CDH18: variants seen among roughly 807,000 people sequenced by gnomAD.
The protein encoded by CDH18 is cadherin-18.
In CDH18, 31 loss-of-function variants were observed where a neutral mutation model predicts 67.9. The observed-to-expected ratio is 0.46, with a 90% CI of 0.34 to 0.62. The LOEUF is 0.62. Ranked by LOEUF, CDH18 falls within the 20% of genes least tolerant of loss-of-function variation. CDH18 has a pLI of 0.01. For synonymous variants in CDH18, 362 were observed against 347.2 expected, an observed-to-expected ratio of 1.04 and a Z score of -0.48; for missense variants, 890 against 975.5, an observed-to-expected ratio of 0.91 and a Z score of 1.17.
intron 8 of CDH18, among the ~76,000 whole-genome samples, chr5:19,544,440 G>T (rs1224894093): frequency 2.0e-5 from 3 of 151,806 alleles, no homozygotes; most frequent in African/African-American, 7.3e-5. Flanking sequence ...TTGTAGCTAA[G>T]GTTTAAAAAT....
intron 2 of CDH18, among the ~76,000 whole-genome samples, chr5:20,197,475 G>A (rs1029455179): frequency 6.6e-6 from 1 of 152,190 alleles, no homozygotes; most frequent in African/African-American, 2.4e-5. Context: ...TTATACGAAT[G>A]CATGCAAGAA....
At chr5:19,609,438 C>T (rs1316903452) in intron 6 of CDH18, among the ~76,000 whole-genome samples, 1 of 151,878 alleles carries the variant, frequency 6.6e-6, no homozygotes, top group Non-Finnish European at 1.5e-5. Flanking sequence ...TGACAAGCAG[C>T]CTGTTTCCTC....
At chr5:20,559,461 A>C (rs1758085362) in intron 1 of CDH18, among the ~76,000 whole-genome samples, 1 of 152,110 alleles carries the variant, frequency 6.6e-6, no homozygotes, top group Non-Finnish European at 1.5e-5. Flanking sequence ...ACATCTATTT[A>C]AAATAGTATG....
intron 2 of CDH18, among the ~76,000 whole-genome samples, chr5:19,950,440 G>T (rs1003591496): frequency 1.3e-5 from 2 of 152,000 alleles, no homozygotes; most frequent in African/African-American, 4.8e-5. Flanking sequence ...CAGGTGATGG[G>T]TGCACAAAAA....
At chr5:20,280,885 T>C (rs1746207105) in intron 1 of CDH18, among the ~76,000 whole-genome samples, 1 of 152,230 alleles carries the variant, frequency 6.6e-6, no homozygotes, top group South Asian at 2.1e-4. Context: ...TCCTGACTTT[T>C]AAATGATCGC....
intron 1 of CDH18, among the ~76,000 whole-genome samples, chr5:20,453,489 TGCA>T (rs1750617316): frequency 6.6e-6 from 1 of 152,078 alleles, no homozygotes; most frequent in African/African-American, 2.4e-5. Context: ...CTTAGTTTAG[TGCA>T]GAAGAAAGAA....
intron 2 of CDH18, among the ~76,000 whole-genome samples, chr5:20,217,803 A>T (rs560524759): frequency 6.6e-6 from 1 of 151,938 alleles, no homozygotes; most frequent in African/African-American, 2.4e-5. Context: ...CAAAATGAAA[A>T]ATAAAGAGAT....
chr5:20,249,984 ATAG>A (rs967437989), intron 2 of CDH18, among the ~76,000 whole-genome samples: 7 of 152,174 alleles, frequency 4.6e-5, no homozygotes, highest in African/African-American at 1.4e-4. Context: ...ACTAACCAAA[ATAG>A]TAGAAAAAAA....
intron 2 of CDH18, among the ~76,000 whole-genome samples, chr5:20,101,057 T>A (rs1032989935): frequency 1.3e-5 from 2 of 151,932 alleles, no homozygotes; most frequent in African/African-American, 2.4e-5. Flanking sequence ...GCTCAAGTAA[T>A]CCTCCTACCC....
chr5:20,333,698 C>A lies in CDH18; in HGVS notation c.-579-78193G>T, dbSNP rs566035300. ...ATGCTTAAATATTTTAAGAATTTAA[C>A]CGGCATCGATTGTGCTATTTGCTAC... is the stretch of plus-strand genomic sequence containing the variant. On this transcript the variant is annotated intron_variant, in intron 1 of 14. Transcript: ENST00000507958. Among the ~76,000 whole-genome samples, 4 of 151,996 alleles carry A rather than the reference C, an allele frequency of 2.6e-5. No individual in the cohort carries two copies. The East Asian group carries it at 7.8e-4, about 30-fold the overall frequency.
chr5:19,575,808 G>A (rs1164110360), intron 7 of CDH18, among the ~76,000 whole-genome samples: 1 of 152,096 alleles, frequency 6.6e-6, no homozygotes, highest in Non-Finnish European at 1.5e-5. Context: ...GGGAACTCTA[G>A]ACAATCCATT....
chr5:20,377,032 AT>A (rs1743511950), intron 1 of CDH18, among the ~76,000 whole-genome samples: 1 of 151,586 alleles, frequency 6.6e-6, no homozygotes, highest in African/African-American at 2.4e-5. Context: ...AAAAAAAAAA[AT>A]ATTAGGTCAG....
chr5:20,185,683 C>T (rs918106385), intron 2 of CDH18, among the ~76,000 whole-genome samples: 1 of 152,030 alleles, frequency 6.6e-6, no homozygotes, highest in African/African-American at 2.4e-5. Context: ...ATTACTCCAT[C>T]TAAGAAGATA....
At chr5:20,566,233 G>A (rs1486536700) in intron 1 of CDH18, among the ~76,000 whole-genome samples, 1 of 152,082 alleles carries the variant, frequency 6.6e-6, no homozygotes, top group Non-Finnish European at 1.5e-5. Flanking sequence ...CATACTCAGA[G>A]GAAGCAGAGG....
intron 2 of CDH18, among the ~76,000 whole-genome samples, chr5:20,226,382 TAAAAG>T (rs1741632442): frequency 6.6e-6 from 1 of 152,080 alleles, no homozygotes; most frequent in South Asian, 2.1e-4. Flanking sequence ...TTATTATAAT[TAAAAG>T]AAAAGGAACA....
chr5:20,122,097 G>A lies in CDH18; in HGVS notation c.-517-130083C>T, dbSNP rs574430748. Among the ~76,000 whole-genome samples, 30 of 152,206 alleles carry A rather than the reference G, an allele frequency of 2.0e-4. 1 individual carries two copies. The highest frequency in any genetic ancestry group is 6.5e-4 in the African/African-American group (27 of 41,538). On this transcript the variant is annotated intron_variant, in intron 2 of 14. Transcript: ENST00000507958. ...AGAAATAAAAAGCAAAAGTGAAAAG[G>A]GTAATATAATTTCTTGCATTCTTCT...
At chr5:19,745,384 T>A (rs1274944692) in intron 4 of CDH18, among the ~76,000 whole-genome samples, 1 of 152,164 alleles carries the variant, frequency 6.6e-6, no homozygotes, top group Non-Finnish European at 1.5e-5. Flanking sequence ...CCTGTTTTTC[T>A]CTCTAGTGCT....
At chr5:19,564,619 C>T (rs1740034184) in intron 8 of CDH18, among the ~76,000 whole-genome samples, 3 of 151,972 alleles carry the variant, frequency 2.0e-5, no homozygotes, top group African/African-American at 4.8e-5. Flanking sequence ...CAGGTGTAAC[C>T]CAGGGTATTA....
intron 2 of CDH18, among the ~76,000 whole-genome samples, chr5:20,208,668 T>G (rs1740108107): frequency 6.6e-6 from 1 of 152,114 alleles, no homozygotes. Context: ...GAGCAAAGTT[T>G]TTTTTGTGTA....
Sources: allele counts gnomAD v4.1 joint callset (sites outside exome capture counted in the v4.1 genomes callset), GRCh38; gene constraint gnomAD v4.1.1; transcripts MANE v1.5; gene names NCBI Gene and HGNC (gene_info 2026-07-23, HGNC 2026-07-21).